Variants in CRTC1 observed in about 807,000 individuals in gnomAD.
The protein encoded by CRTC1 is CREB-regulated transcription coactivator 1.
CRTC1 carries 18 observed loss-of-function variants against 66.1 expected under a neutral mutation model. The observed-to-expected ratio is 0.27, with a 90% CI of 0.19 to 0.40. The LOEUF is 0.40. CRTC1 is among the 10% of genes least tolerant of loss of function. The pLI, the probability that CRTC1 is intolerant of heterozygous loss-of-function variation, is 1.00. For synonymous variants in CRTC1, 416 were observed against 398.8 expected, an observed-to-expected ratio of 1.04 and a Z score of -0.51; for missense variants, 669 against 887.9, an observed-to-expected ratio of 0.75 and a Z score of 3.13.
At chr19:18,703,798 A>G (rs1006256053) in intron 1 of CRTC1, among the ~76,000 whole-genome samples, 1 of 152,004 alleles carries the variant, frequency 6.6e-6, no homozygotes, top group Non-Finnish European at 1.5e-5. Context: ...GGGTTTCACT[A>G]TGTTGGCCAG....
intron 1 of CRTC1, among the ~76,000 whole-genome samples, chr19:18,724,250 T>G (rs551633765): frequency 5.3e-5 from 8 of 151,912 alleles, no homozygotes; most frequent in African/African-American, 1.9e-4. Context: ...TGTGGGTGCG[T>G]GGGGTGTTGT....
At chr19:18,743,632 G>A (rs528279734) in intron 2 of CRTC1, among the ~76,000 whole-genome samples, 1 of 152,176 alleles carries the variant, frequency 6.6e-6, no homozygotes, top group South Asian at 2.1e-4. Flanking sequence ...GTCCCCCTGG[G>A]GGGGGGTCAC....
chr19:18,769,269 T>G (rs539301143), intron 10 of CRTC1, among the ~76,000 whole-genome samples: 1 of 152,212 alleles, frequency 6.6e-6, no homozygotes, highest in Non-Finnish European at 1.5e-5. Context: ...GCTCAGACCA[T>G]TGGACTTTTC....
chr19:18,781,693 C>T lies in CRTC1; in HGVS notation c.*4311C>T. The T allele has an allele frequency of 4.3e-6, 1 of 230,842 alleles. No homozygotes were observed. The highest frequency in any genetic ancestry group is 8.6e-6 in the Non-Finnish European group (1 of 116,578). 14.3% of individuals were successfully genotyped at this position (230,842 alleles called of 1,614,324 possible). ...TTTCTCTCTTGTCACTTTCTCAAAC[C>T]TGCAGGTCTCAGGGCCCCGGGCTCC... On this transcript the variant is annotated 3_prime_UTR_variant, in exon 14 of 14. Coordinates refer to ENST00000321949, the MANE Select transcript of CRTC1 (RefSeq NM_015321.3).
At chr19:18,732,419 G>C (rs1017149286) in intron 1 of CRTC1, among the ~76,000 whole-genome samples, 3 of 152,250 alleles carry the variant, frequency 2.0e-5, no homozygotes, top group African/African-American at 7.2e-5. Flanking sequence ...ACCTGGTCTG[G>C]GTACTGCTGG....
chr19:18,751,937 G>A (rs1201549880), intron 5 of CRTC1, among the ~76,000 whole-genome samples: 1 of 152,056 alleles, frequency 6.6e-6, no homozygotes, highest in Non-Finnish European at 1.5e-5. Context: ...GCTGAGGTGG[G>A]CAGATTGCTT....
Position 18,777,436 on chromosome 19 carries a change from C to G in CRTC1, c.*54C>G, listed in dbSNP as rs778444140. 1 of 1,494,102 alleles carries G rather than the reference C, an allele frequency of 6.7e-7. No homozygotes were observed. Among genetic ancestry groups the G allele is most frequent in the African/African-American group, 1.4e-5 (1 of 72,832 alleles). The allele number at this position is 1,494,102 out of a possible 1,614,324, so 92.6% of individuals were successfully genotyped here. A position where few individuals can be genotyped will look rare whatever the true frequency, so the allele number is the denominator to read the frequency against. ...CCGTCCCGACGGCGCCTCCCCAGCCCGGGGACGGCCGTGCTCCGTCCCTCG... is the reference window on the plus strand; with the variant it reads ...CCGTCCCGACGGCGCCTCCCCAGCCGGGGGACGGCCGTGCTCCGTCCCTCG... On this transcript the variant is annotated 3_prime_UTR_variant, in exon 14 of 14. Transcript: ENST00000321949. This position sits in a 1 kb window ranked among gnomAD's most constrained non-coding sequence, Gnocchi z 5.5.
chr19:18,707,392 T>C (rs2053290911), intron 1 of CRTC1, among the ~76,000 whole-genome samples: 1 of 152,218 alleles, frequency 6.6e-6, no homozygotes, highest in Admixed American at 6.5e-5. Flanking sequence ...GGCACCCTTG[T>C]TGAAAATCAC....
In CRTC1 at chr19:18,760,495, G is replaced by A. The variant is rs969134219; in HGVS notation, c.886+267G>A. ...TGTGATGGTGCTTTGGGGAGTCCAG[G>A]AGGGAAGCCCTGGGAGTTTTAACGC... On this transcript the variant is annotated intron_variant, in intron 8 of 13. Transcript: ENST00000321949. The surrounding 1 kb of genome is among the most constrained non-coding windows in gnomAD (Gnocchi z 6.2). 4.6e-5 allele frequency among the ~76,000 whole-genome samples: 7 copies of A among 152,070 alleles called. No homozygotes were observed. The highest frequency in any genetic ancestry group is 1.9e-4 in the East Asian group (1 of 5,174).
intron 6 of CRTC1, among the ~76,000 whole-genome samples, chr19:18,756,334 CAAAAAAAAAA>C (rs56092227): frequency 1.4e-5 from 1 of 73,178 alleles, no homozygotes; most frequent in African/African-American, 6.2e-5. Context: ...AACTCCATCT[CAAAAAAAAAA>C]AAAAAAAAAA....
intron 1 of CRTC1, among the ~76,000 whole-genome samples, chr19:18,724,971 C>T (rs1224320921): frequency 6.6e-6 from 1 of 151,898 alleles, no homozygotes; most frequent in Non-Finnish European, 1.5e-5. Context: ...GACCCTGTCA[C>T]CCCCTGCCCA....
intron 1 of CRTC1, among the ~76,000 whole-genome samples, chr19:18,692,954 A>G (rs1199269399): frequency 6.6e-6 from 1 of 151,012 alleles, no homozygotes; most frequent in Non-Finnish European, 1.5e-5. Flanking sequence ...ACGTGCCTGT[A>G]GTCCCAGCTA....
chr19:18,771,337 G>T lies in CRTC1; in HGVS notation c.1321-105G>T, dbSNP rs963431019. The T allele has an allele frequency of 2.2e-6, 2 of 907,434 alleles. No homozygotes were observed. The highest frequency in any genetic ancestry group is 3.3e-6 in the Non-Finnish European group (2 of 600,884). The allele number at this position is 907,434 out of a possible 1,614,324, so 56.2% of individuals were successfully genotyped here. ...CGACCATCACCAAGGTGTGAGGGGC[G>T]GGGGGACCTGCCTGGGGGCTGATCA... On this transcript the variant is annotated intron_variant, in intron 10 of 13. Transcript: ENST00000321949. The surrounding 1 kb of genome is among the most constrained non-coding windows in gnomAD (Gnocchi z 4.6).
intron 1 of CRTC1, among the ~76,000 whole-genome samples, chr19:18,690,768 A>C (rs951107247): frequency 6.6e-6 from 1 of 151,966 alleles, no homozygotes; most frequent in Non-Finnish European, 1.5e-5. Flanking sequence ...GCTCACTCCT[A>C]TAATCCCAGC....
intron 1 of CRTC1, among the ~76,000 whole-genome samples, chr19:18,716,004 G>T (rs2053498859): frequency 6.6e-6 from 1 of 152,186 alleles, no homozygotes; most frequent in African/African-American, 2.4e-5. Flanking sequence ...GGCGGGGGGG[G>T]TGTCGCCAAA....
intron 1 of CRTC1, among the ~76,000 whole-genome samples, chr19:18,706,180 GTCTTTTTTTTTTTTTTTTTTTT>G (rs2053259848): frequency 3.8e-5 from 1 of 26,362 alleles, no homozygotes; most frequent in Admixed American, 4.5e-4. Flanking sequence ...TATTCCATTG[GTCTTTTTTTTTTTTTTTTTTTT>G]TTTTTTTTTT....
In CRTC1 at chr19:18,765,399, TC is replaced by T. The variant is rs763370756; in HGVS notation, c.887-4del. The T allele has an allele frequency of 5.5e-5, 88 of 1,610,062 alleles. No individual in the cohort carries two copies. Among genetic ancestry groups the T allele is most frequent in the Non-Finnish European group, 7.5e-5 (88 of 1,177,932 alleles). On this transcript the variant is annotated splice_region_variant and splice_polypyrimidine_tract_variant and intron_variant, in intron 8 of 13. Coordinates refer to ENST00000321949, the MANE Select transcript of CRTC1 (RefSeq NM_015321.3). ...TGCTCTCCCTCCCTCCTACTTCCTCTCTAGGAATGAGCACACCTGGCTCCTC... is the reference window on the plus strand; with the variant it reads ...TGCTCTCCCTCCCTCCTACTTCCTCTTAGGAATGAGCACACCTGGCTCCTC...
At chr19:18,723,382 G>A (rs928607081) in intron 1 of CRTC1, among the ~76,000 whole-genome samples, 4 of 152,178 alleles carry the variant, frequency 2.6e-5, no homozygotes, top group Non-Finnish European at 4.4e-5. Flanking sequence ...CTCCCCATGG[G>A]GAGAGACGGA....
chr19:18,771,674 G>A lies in CRTC1; in HGVS notation c.1425+128G>A, dbSNP rs1334154176. ...TGCATGTCCTCATGCATCCCATCCCGTCCACGCCATCGGACCTGAGCTGTG... is the reference window on the plus strand; with the variant it reads ...TGCATGTCCTCATGCATCCCATCCCATCCACGCCATCGGACCTGAGCTGTG... On this transcript the variant is annotated intron_variant, in intron 11 of 13. Coordinates refer to ENST00000321949, the MANE Select transcript of CRTC1 (RefSeq NM_015321.3). The surrounding 1 kb of genome is among the most constrained non-coding windows in gnomAD (Gnocchi z 4.6). 1.2e-5 allele frequency: 9 copies of A among 736,832 alleles called. No individual in the cohort carries two copies. Among genetic ancestry groups the A allele is most frequent in the Middle Eastern group, 2.5e-4 (1 of 4,078 alleles). 45.6% of individuals were successfully genotyped at this position (736,832 alleles called of 1,614,324 possible).
Sources: gnomAD v4.1 joint callset for allele counts (sites outside exome capture counted in the v4.1 genomes callset) on GRCh38, gnomAD v4.1.1 for gene constraint, Gnocchi (gnomAD v3.1) non-coding constraint, MANE v1.5 for transcripts, NCBI Gene and HGNC (gene_info 2026-07-23, HGNC 2026-07-21) for gene names.